The following TMEM123 variants were observed in gnomAD, a reference collection of about 807,000 sequenced individuals.
The protein encoded by TMEM123 is porimin.
In TMEM123, 16 loss-of-function variants were observed where a neutral mutation model predicts 19.7. The ratio of observed to expected loss-of-function variants is 0.81; its 90% CI spans 0.55 to 1.23. The LOEUF (loss-of-function observed/expected upper bound fraction) is 1.23, where lower values mean the gene tolerates loss of function less well. Ranked by LOEUF, TMEM123 falls within the 50% of genes most tolerant of loss-of-function variation. The pLI, the probability that TMEM123 is intolerant of heterozygous loss-of-function variation, is 0.00. For missense variants in TMEM123, 313 were observed against 257.8 expected, an observed-to-expected ratio of 1.21 and a Z score of -1.47; for synonymous variants, 118 against 99.4, an observed-to-expected ratio of 1.19 and a Z score of -1.12.
chr11:102,420,034 G>A (rs1333365730), intron 2 of TMEM123, among the ~76,000 whole-genome samples: 3 of 152,210 alleles, frequency 2.0e-5, no homozygotes, highest in Non-Finnish European at 4.4e-5. Context: ...TATACTGGAA[G>A]GCAATGGGGA....
chr11:102,441,330 T>TATAAC (rs1469778880), intron 2 of TMEM123, among the ~76,000 whole-genome samples: 11 of 152,100 alleles, frequency 7.2e-5, no homozygotes, highest in Non-Finnish European at 1.5e-4. Context: ...GAACAGAAAT[T>TATAAC]ATAACAAACT....
Position 102,398,749 on chromosome 11 carries a change from A to G in TMEM123, c.*118T>C, listed in dbSNP as rs1951882812. The G allele has an allele frequency of 2.0e-6, 2 of 997,754 alleles. No homozygotes were observed. The highest frequency in any genetic ancestry group is 2.2e-5 in the Admixed American group (1 of 46,238). The allele number at this position is 997,754 out of a possible 1,614,324, so 61.8% of individuals were successfully genotyped here. On this transcript the variant is annotated 3_prime_UTR_variant, in exon 5 of 5. Coordinates refer to ENST00000398136, the MANE Select transcript of TMEM123 (RefSeq NM_052932.3). ...ATTTACGTAATACACTGTACATTAT[A>G]TGCATGGCCTGTTTATACTATTTTC... is the stretch of plus-strand genomic sequence containing the variant.
intron 2 of TMEM123, among the ~76,000 whole-genome samples, chr11:102,430,895 A>AT (rs1354872847): frequency 6.6e-6 from 1 of 152,218 alleles, no homozygotes; most frequent in Non-Finnish European, 1.5e-5. Context: ...AAAATACAAC[A>AT]TAATACACAT....
rs547997508 is a variant in TMEM123 at position 102,397,144 on chromosome 11, G to A, written c.*1723C>T. 6.6e-6 allele frequency: 1 copy of A among 152,110 alleles called. No homozygotes were observed. The highest frequency in any genetic ancestry group is 2.1e-4 in the South Asian group (1 of 4,826). 9.4% of individuals were successfully genotyped at this position (152,110 alleles called of 1,614,324 possible). On this transcript the variant is annotated 3_prime_UTR_variant, in exon 5 of 5. Coordinates refer to ENST00000398136, the MANE Select transcript of TMEM123 (RefSeq NM_052932.3). ...TCAGAAAATTTCCTCCATACTCCAT[G>A]TATGTGTTACATACATCCAATCATA...
chr11:102,450,969 C>T (rs1159691966), intron 1 of TMEM123, among the ~76,000 whole-genome samples: 1 of 152,192 alleles, frequency 6.6e-6, no homozygotes, highest in East Asian at 1.9e-4. Context: ...TATTGTATAC[C>T]TTTTAGTCTA....
At chr11:102,435,928 G>C (rs1006207285) in intron 2 of TMEM123, among the ~76,000 whole-genome samples, 2 of 151,812 alleles carry the variant, frequency 1.3e-5, no homozygotes, top group African/African-American at 4.8e-5. Context: ...TTGAGGTGAT[G>C]AAACTGTTCG....
chr11:102,406,868 CA>C (rs61413300), intron 2 of TMEM123, among the ~76,000 whole-genome samples: 4,561 of 86,266 alleles, frequency 0.053, 66 homozygotes, highest in Middle Eastern at 0.13. Flanking sequence ...GAGGCTCCGT[CA>C]AAAAAAAAAA....
chr11:102,449,873 G>A (rs1857921039), intron 1 of TMEM123, among the ~76,000 whole-genome samples: 2 of 152,150 alleles, frequency 1.3e-5, no homozygotes, highest in Admixed American at 6.6e-5. Context: ...GCCCAGAGAA[G>A]GCCGCCCAGA....
At chr11:102,408,296 A>T (rs1459621186) in intron 2 of TMEM123, among the ~76,000 whole-genome samples, 1 of 152,208 alleles carries the variant, frequency 6.6e-6, no homozygotes, top group Non-Finnish European at 1.5e-5. Flanking sequence ...TGCTGTAAAA[A>T]ATATATTCCA....
At chr11:102,410,360 C>T (rs905904197) in intron 2 of TMEM123, among the ~76,000 whole-genome samples, 1 of 152,110 alleles carries the variant, frequency 6.6e-6, no homozygotes, top group Non-Finnish European at 1.5e-5. Flanking sequence ...GTGAGAAAAG[C>T]AGCCTGGCTT....
At chr11:102,399,662 T>TC (rs1284106825) in intron 4 of TMEM123, among the ~76,000 whole-genome samples, 2 of 152,194 alleles carry the variant, frequency 1.3e-5, no homozygotes, top group Admixed American at 6.5e-5. Flanking sequence ...TAACTTTAAA[T>TC]ATAACTTTTA....
At chr11:102,420,395 G>T (rs562761057) in intron 2 of TMEM123, among the ~76,000 whole-genome samples, 1 of 152,162 alleles carries the variant, frequency 6.6e-6, no homozygotes, top group Non-Finnish European at 1.5e-5. Flanking sequence ...TGCTCTATAG[G>T]TATCTGTCTG....
intron 2 of TMEM123, among the ~76,000 whole-genome samples, chr11:102,431,159 G>A (rs78847320): frequency 0.045 from 6,817 of 151,910 alleles, 215 homozygotes; most frequent in Non-Finnish European, 0.073. Context: ...AAAAATAGTC[G>A]GTGGGATACT....
rs559993421 is a variant in TMEM123 at position 102,440,836 on chromosome 11, A to G, written c.157+7976T>C. On this transcript the variant is annotated intron_variant, in intron 2 of 4. Coordinates refer to ENST00000398136, the MANE Select transcript of TMEM123 (RefSeq NM_052932.3). ...GCAGACACACATAGGCTCAAAATAA[A>G]GGGATGGAGAAGATCTACCAAGCAA... 1.1e-3 allele frequency among the ~76,000 whole-genome samples: 172 copies of G among 152,336 alleles called. 2 individuals carry two copies. The highest frequency in any genetic ancestry group is 4.0e-3 in the African/African-American group (168 of 41,564).
intron 2 of TMEM123, among the ~76,000 whole-genome samples, chr11:102,409,743 G>C (rs180985721): frequency 6.6e-6 from 1 of 151,822 alleles, no homozygotes; most frequent in Non-Finnish European, 1.5e-5. Flanking sequence ...GCATGGTGGC[G>C]GGCGTCTGTA....
rs778092007 is a variant in TMEM123, at chr11:102,452,595, G to A, written c.29C>T (p.Ala10Val). Residue 10 changes from alanine (A) to valine (V), a missense_variant, in exon 1 of 5, where the codon GCC becomes GTC. Transcript: ENST00000398136. Reference protein sequence around the residue: MGLGARGAWAALLLGTLQVL... With the variant: MGLGARGAWVALLLGTLQVL... ...CTGCAGCGTCCCCAGGAGCAGCGCG[G>A]CCCAAGCACCTCGCGCGCCGAGTCC... 1.3e-6 allele frequency: 2 copies of A among 1,562,854 alleles called. No homozygotes were observed. The highest frequency in any genetic ancestry group is 8.6e-7 in the Non-Finnish European group (1 of 1,157,728).
At chr11:102,448,994 T>C (rs998626771) in intron 1 of TMEM123, 126 bp from the exon 2 acceptor site, 2 of 913,778 alleles carry the variant, frequency 2.2e-6, no homozygotes, top group East Asian at 2.5e-5. Flanking sequence ...CCACAGGAAG[T>C]TCTACTTTGG....
At chr11:102,434,624 T>TG (rs1268037809) in intron 2 of TMEM123, among the ~76,000 whole-genome samples, 2 of 151,998 alleles carry the variant, frequency 1.3e-5, no homozygotes, top group African/African-American at 4.8e-5. Flanking sequence ...TTGTTGCCTG[T>TG]GCTTTTGGGG....
intron 2 of TMEM123, among the ~76,000 whole-genome samples, chr11:102,405,135 G>A (rs1279910681): frequency 2.0e-5 from 3 of 150,912 alleles, no homozygotes; most frequent in African/African-American, 4.9e-5. Context: ...TGCAAGCTCC[G>A]CCTCCCAGGT....
Sources: gnomAD v4.1 joint callset for allele counts (sites outside exome capture counted in the v4.1 genomes callset) on GRCh38, gnomAD v4.1.1 for gene constraint, MANE v1.5 for transcripts, NCBI Gene and HGNC (gene_info 2026-07-23, HGNC 2026-07-21) for gene names.